The following F2R variants were observed in gnomAD, a reference collection of about 807,000 sequenced individuals.
F2R encodes the protein proteinase-activated receptor 1.
Under a neutral mutation model 18.3 loss-of-function variants are expected in F2R, and 12 were observed. The ratio of observed to expected loss-of-function variants is 0.66; its 90% CI spans 0.42 to 1.06. The LOEUF (loss-of-function observed/expected upper bound fraction) is 1.06. Ranked by LOEUF, F2R falls within the 50% of genes least tolerant of loss-of-function variation. The probability of loss-of-function intolerance (pLI) is 0.00; values close to 1 mark genes in which losing one functional copy is unlikely to be tolerated. For missense variants in F2R, 438 were observed against 530.8 expected (o/e 0.83, Z 1.72); for synonymous variants, 210 against 219.9 (o/e 0.95, Z 0.40).
intron 1 of F2R, among the ~76,000 whole-genome samples, chr5:76,723,222 A>T (rs1748499005): frequency 6.6e-6 from 1 of 152,236 alleles, no homozygotes; most frequent in South Asian, 2.1e-4. Context: ...ACATGTCCAC[A>T]TACTGCCTAC....
intron 1 of F2R, among the ~76,000 whole-genome samples, chr5:76,727,886 CTT>C (rs535105741): frequency 1.3e-4 from 16 of 127,760 alleles, no homozygotes; most frequent in Non-Finnish European, 1.2e-4. Flanking sequence ...GACTGGGTCA[CTT>C]TTTTTTTTTT....
intron 1 of F2R, among the ~76,000 whole-genome samples, chr5:76,717,782 G>A (rs1332932133): frequency 1.3e-5 from 2 of 152,194 alleles, no homozygotes; most frequent in Admixed American, 6.5e-5. Context: ...TTGGATCATG[G>A]GGTGGAGAAC....
intron 1 of F2R, among the ~76,000 whole-genome samples, chr5:76,726,392 G>A (rs1029434921): frequency 1.9e-4 from 29 of 152,268 alleles, no homozygotes; most frequent in African/African-American, 4.8e-4. Flanking sequence ...TTAGCCGGGC[G>A]CGGTGGCAGG....
intron 1 of F2R, among the ~76,000 whole-genome samples, chr5:76,725,188 C>T (rs1748533220): frequency 6.6e-6 from 1 of 152,334 alleles, no homozygotes; most frequent in Non-Finnish European, 1.5e-5. Flanking sequence ...CTAGTCACCC[C>T]TCTGCTTCCA....
At chr5:76,716,612 A>G (rs759070043) in intron 1 of F2R, 1 of 723,746 alleles carries the variant, frequency 1.4e-6, no homozygotes, top group Non-Finnish European at 2.5e-6. Context: ...TCGATCTTGG[A>G]GGGTGCAGCC....
intron 1 of F2R, among the ~76,000 whole-genome samples, chr5:76,722,134 G>A (rs541363977): frequency 3.9e-5 from 6 of 152,154 alleles, no homozygotes; most frequent in African/African-American, 1.4e-4. Context: ...GACTTGGGCA[G>A]GGTTGGGCAT....
chr5:76,723,511 G>C (rs1748506511), intron 1 of F2R, among the ~76,000 whole-genome samples: 1 of 152,156 alleles, frequency 6.6e-6, no homozygotes, highest in African/African-American at 2.4e-5. Context: ...AGAAATGTTA[G>C]AATTATATGA....
At chr5:76,717,016 T>C (rs1748359950) in intron 1 of F2R, among the ~76,000 whole-genome samples, 1 of 152,104 alleles carries the variant, frequency 6.6e-6, no homozygotes, top group South Asian at 2.1e-4. Flanking sequence ...GGAGGGGACA[T>C]GGAGAGGATT....
In F2R at chr5:76,732,686, T is replaced by C. The variant is rs546186677; in HGVS notation, c.461T>C (p.Val154Ala). Residue 154 changes from valine (V) to alanine (A), a missense_variant, in exon 2 of 2, where the codon GTG becomes GCG. Physicochemically the swap from Val to Ala is moderately conservative, Grantham distance 64 (BLOSUM62 0). Coordinates refer to ENST00000319211, the MANE Select transcript of F2R (RefSeq NM_001992.5). ...ACGGCAGATGTGCTGTTTGTGTCTGTGCTCCCCTTTAAGATCAGCTATTAC... is the reference window on the plus strand; with the variant it reads ...ACGGCAGATGTGCTGTTTGTGTCTGCGCTCCCCTTTAAGATCAGCTATTAC... ...LATADVLFVS[V>A]LPFKISYYFS... 6.2e-5 allele frequency: 100 copies of C among 1,614,240 alleles called. No individual in the cohort carries two copies. Among genetic ancestry groups the C allele is most frequent in the South Asian group, 3.7e-4 (34 of 91,086 alleles).
chr5:76,729,351 T>G (rs1008498794), intron 1 of F2R, among the ~76,000 whole-genome samples: 12 of 152,246 alleles, frequency 7.9e-5, no homozygotes, highest in African/African-American at 2.9e-4. Flanking sequence ...TTAAATCAGG[T>G]GATTTGTTAT....
At chr5:76,728,785 C>T (rs556331078) in intron 1 of F2R, among the ~76,000 whole-genome samples, 2 of 150,188 alleles carry the variant, frequency 1.3e-5, no homozygotes, top group East Asian at 2.0e-4. Context: ...CCGCCTCCTG[C>T]GTTCAAGCAA....
chr5:76,727,716 C>T (rs1331998871), intron 1 of F2R, among the ~76,000 whole-genome samples: 1 of 147,708 alleles, frequency 6.8e-6, no homozygotes. Context: ...CTTGGTAGTT[C>T]TTTGCTGATA....
intron 1 of F2R, among the ~76,000 whole-genome samples, chr5:76,726,420 A>G (rs980438449): frequency 6.6e-6 from 1 of 152,140 alleles, no homozygotes; most frequent in Non-Finnish European, 1.5e-5. Context: ...AGTCCCAGCT[A>G]CTAGGGAGGC....
intron 1 of F2R, among the ~76,000 whole-genome samples, chr5:76,724,389 A>G (rs1748519517): frequency 6.6e-6 from 1 of 152,136 alleles, no homozygotes; most frequent in South Asian, 2.1e-4. Context: ...CCTTAATATC[A>G]TCTGATAATC....
At chr5:76,723,095 A>C (rs1748496144) in intron 1 of F2R, among the ~76,000 whole-genome samples, 1 of 152,148 alleles carries the variant, frequency 6.6e-6, no homozygotes, top group African/African-American at 2.4e-5. Flanking sequence ...TCTCCCTGCT[A>C]TCTCTCTCCT....
At chr5:76,716,790 T>G (rs991438834) in intron 1 of F2R, 2 of 526,148 alleles carry the variant, frequency 3.8e-6, no homozygotes, top group Non-Finnish European at 6.7e-6. Context: ...AAATATAAAG[T>G]GGCGAACCGC....
rs1363910187 is a variant in F2R, at chr5:76,733,213, A to G, written c.988A>G (p.Asn330Asp). The G allele has an allele frequency of 6.2e-7, 1 of 1,613,886 alleles. No individual in the cohort carries two copies. Among genetic ancestry groups the G allele is most frequent in the African/African-American group, 1.3e-5 (1 of 74,854 alleles). ...CIFIICFGPT[N>D]VLLIAHYSFL... ...CTTCATCATTTGCTTCGGACCCACA[A>G]ACGTCCTCCTGATTGCGCATTACTC... Residue 330 changes from asparagine to aspartate, a missense_variant, in exon 2 of 2, where the codon AAC becomes GAC. Coordinates refer to ENST00000319211, the MANE Select transcript of F2R (RefSeq NM_001992.5).
chr5:76,723,686 C>T (rs1748508716), intron 1 of F2R, among the ~76,000 whole-genome samples: 1 of 152,190 alleles, frequency 6.6e-6, no homozygotes, highest in African/African-American at 2.4e-5. Flanking sequence ...AGAACATTTT[C>T]CCCTTCAGAA....
chr5:76,716,505 C>A, intron 1 of F2R, 110 bp downstream of exon 1: 1 of 981,502 alleles, frequency 1.0e-6, no homozygotes, highest in Non-Finnish European at 1.4e-6. Flanking sequence ...CTCCGAAAGC[C>A]AAACTGGCAT....
Sources: gnomAD v4.1 joint callset for allele counts (sites outside exome capture counted in the v4.1 genomes callset) on GRCh38, gnomAD v4.1.1 for gene constraint, MANE v1.5 for transcripts, NCBI Gene and HGNC (gene_info 2026-07-23, HGNC 2026-07-21) for gene names.